The following CYP4F11 variants were observed in gnomAD, a reference collection of about 807,000 sequenced individuals.
The protein encoded by CYP4F11 is cytochrome P450 family 4 subfamily F member 11, also known as cytochrome P450 4F11.
Under a neutral mutation model 62.2 loss-of-function variants are expected in CYP4F11, and 79 were observed. That is an observed-to-expected ratio of 1.27 (90% confidence interval 1.06 to 1.53). The LOEUF (loss-of-function observed/expected upper bound fraction) is 1.53. CYP4F11 is among the 40% of genes most tolerant of loss of function. CYP4F11 has a pLI of 0.00. For synonymous variants in CYP4F11, 290 were observed against 263.7 expected (o/e 1.10, Z -0.97); for missense variants, 777 against 680.5 (o/e 1.14, Z -1.58).
chr19:15,914,469 CTTGGAGAGACATT>C (rs2145035352), intron 10 of CYP4F11, 82 bp from the exon 11 acceptor site: 1 of 1,557,684 alleles, frequency 6.4e-7, no homozygotes, highest in East Asian at 2.2e-5. Flanking sequence ...GACCCCCGGC[CTTGGAGAGACATT>C]TTGGCAGATG....
Position 15,912,805 on chromosome 19 carries a change from T to TATATATACACAC in CYP4F11, c.*926_*927insGTGTGTATATAT, listed in dbSNP as rs1183276800. On this transcript the variant is annotated 3_prime_UTR_variant, in exon 12 of 12. Coordinates refer to ENST00000402119, the MANE Select transcript of CYP4F11 (RefSeq NM_021187.4). The stretch of plus-strand genomic sequence containing the variant: ...TATATATATAATATATATATATATA[T>TATATATACACAC]ACATATCTTATATGCACAGCCCTCT... 9.9e-6 allele frequency: 1 copy of TATATATACACAC among 101,252 alleles called. No individual in the cohort carries two copies. Among genetic ancestry groups the TATATATACACAC allele is most frequent in the African/African-American group, 4.3e-5 (1 of 23,392 alleles). 6.3% of individuals were successfully genotyped at this position (101,252 alleles called of 1,614,324 possible).
At position 15,927,355 on chromosome 19, in the gene CYP4F11, A is replaced by T; in HGVS notation, c.398-16T>A. 1 of 1,614,058 alleles carries T rather than the reference A, an allele frequency of 6.2e-7. No homozygotes were observed. Among genetic ancestry groups the T allele is most frequent in the Non-Finnish European group, 8.5e-7 (1 of 1,179,938 alleles). On this transcript the variant is annotated splice_polypyrimidine_tract_variant and intron_variant, in intron 3 of 11. Coordinates refer to ENST00000402119, the MANE Select transcript of CYP4F11 (RefSeq NM_021187.4). ...AGCCCATCCCCTGGCAGGGCAACCAAGGACAGTGGTCAAGGGCAGCACCCT... is the reference window on the plus strand; with the variant it reads ...AGCCCATCCCCTGGCAGGGCAACCATGGACAGTGGTCAAGGGCAGCACCCT...
rs1383867962 is a variant in CYP4F11, at chr19:15,914,588, G to A, written c.1314+14C>T. On this transcript the variant is annotated intron_variant, in intron 10 of 11. Coordinates refer to ENST00000402119, the MANE Select transcript of CYP4F11 (RefSeq NM_021187.4). ...GAATGGACTCCAAAAAGGGTGGGGT[G>A]AGGGAGGCACTACCTCAGGGTCTGG... is the stretch of plus-strand genomic sequence containing the variant. The A allele has an allele frequency of 1.2e-6, 2 of 1,614,082 alleles. No homozygotes were observed. The highest frequency in any genetic ancestry group is 2.2e-5 in the East Asian group (1 of 44,884).
intron 5 of CYP4F11, 81 bp downstream of exon 5, chr19:15,924,680 G>T: frequency 1.3e-6 from 2 of 1,549,818 alleles, no homozygotes; most frequent in Non-Finnish European, 1.8e-6. Flanking sequence ...GGCACTTCTG[G>T]TTACCCCGGT....
At chr19:15,934,830 A>C, upstream of CYP4F11, 3 of 176,210 alleles carry the variant, frequency 1.7e-5, no homozygotes, top group South Asian at 1.3e-4. Flanking sequence ...TGTCCCACAT[A>C]CCCTCCTCTC....
Position 15,929,478 on chromosome 19 carries a change from G to A in CYP4F11, c.322C>T (p.Arg108Trp), listed in dbSNP as rs138578304. The change falls in exon 2 of 12, where the codon CGG becomes TGG. Residue 108 changes from arginine (R) to tryptophan (W), a missense_variant. Coordinates refer to ENST00000402119, the MANE Select transcript of CYP4F11 (RefSeq NM_021187.4). ...GTACCTGAGGCACTGGTGATAGGCCGGATAATGTCAGGGTGGCATAAAATG... is the reference window on the plus strand; with the variant it reads ...GTACCTGAGGCACTGGTGATAGGCCAGATAATGTCAGGGTGGCATAAAATG... ...LLILCHPDIIRPITSASAAVA... is the reference protein window; with the variant it reads ...LLILCHPDIIWPITSASAAVA... 221 of 1,614,116 alleles carry A rather than the reference G, an allele frequency of 1.4e-4. 1 individual carries two copies. The highest frequency in any genetic ancestry group is 5.0e-4 in the Middle Eastern group (3 of 6,052).
chr19:15,929,373 G>C (rs560592312), intron 2 of CYP4F11, 84 bp downstream of exon 2: 1 of 1,573,476 alleles, frequency 6.4e-7, no homozygotes, highest in East Asian at 2.2e-5. Context: ...CCCTGCAGGG[G>C]CCACACAGAA....
rs59091525 is a variant in CYP4F11 at position 15,912,680 on chromosome 19, A to AAAATAT, written c.*1051_*1052insATATTT. 26 of 66,162 alleles carry AAAATAT rather than the reference A, an allele frequency of 3.9e-4. No individual in the cohort carries two copies. The highest frequency in any genetic ancestry group is 5.8e-4 in the Non-Finnish European group (21 of 36,162). The allele number at this position is 66,162 out of a possible 1,614,324, so 4.1% of individuals were successfully genotyped here. A position where few individuals can be genotyped will look rare whatever the true frequency, so the allele number is the denominator to read the frequency against. On this transcript the variant is annotated 3_prime_UTR_variant, in exon 12 of 12. Transcript: ENST00000402119. ...TCACCATCCTCAGGAAAAAAAAAAAAATATATATATATATATATGTGTGTG... is the reference window on the plus strand; with the variant it reads ...TCACCATCCTCAGGAAAAAAAAAAAAAAATATATATATATATATATATATGTGTGTG...
Position 15,912,805 on chromosome 19 carries a change from T to TATATATATATATAC in CYP4F11, c.*926_*927insGTATATATATATAT, listed in dbSNP as rs1183276800. 2.0e-5 allele frequency: 2 copies of TATATATATATATAC among 101,240 alleles called. No homozygotes were observed. The highest frequency in any genetic ancestry group is 4.3e-5 in the African/African-American group (1 of 23,412). 6.3% of individuals were successfully genotyped at this position (101,240 alleles called of 1,614,324 possible). On this transcript the variant is annotated 3_prime_UTR_variant, in exon 12 of 12. Coordinates refer to ENST00000402119, the MANE Select transcript of CYP4F11 (RefSeq NM_021187.4). ...TATATATATAATATATATATATATATACATATCTTATATGCACAGCCCTCT... is the reference window on the plus strand; with the variant it reads ...TATATATATAATATATATATATATATATATATATATATACACATATCTTATATGCACAGCCCTCT...
intron 4 of CYP4F11, among the ~76,000 whole-genome samples, chr19:15,925,729 T>TACACACACACACACACAC (rs61395286): frequency 1.5e-4 from 22 of 142,930 alleles, no homozygotes; most frequent in Middle Eastern, 3.6e-3. Context: ...TACATATATG[T>TACACACACACACACACAC]ACACACACAC....
chr19:15,913,974 G>A, intron 11 of CYP4F11, 65 bp from the exon 12 acceptor site: 2 of 1,545,670 alleles, frequency 1.3e-6, no homozygotes, highest in East Asian at 2.3e-5. Flanking sequence ...ATCATGCTTA[G>A]AACCTGGCCT....
intron 1 of CYP4F11, among the ~76,000 whole-genome samples, chr19:15,930,617 C>G (rs1408408861): frequency 2.6e-5 from 4 of 152,128 alleles, no homozygotes; most frequent in East Asian, 3.9e-4. Flanking sequence ...AATAAAAGAT[C>G]CAAGAGTAAA....
chr19:15,934,056 GT>G, intron 1 of CYP4F11, among the ~76,000 whole-genome samples, 154 bp downstream of exon 1: 1 of 142,258 alleles, frequency 7.0e-6, no homozygotes, highest in Non-Finnish European at 1.6e-5. Context: ...AGAGGAATGA[GT>G]GAGTGGGCAG....
In CYP4F11 at chr19:15,924,882, C is replaced by A; in HGVS notation, c.526G>T (p.Asp176Tyr). 6.2e-7 allele frequency: 1 copy of A among 1,608,776 alleles called. No homozygotes were observed. Among genetic ancestry groups the A allele is most frequent in the Non-Finnish European group, 8.5e-7 (1 of 1,177,238 alleles). Residue 176 changes from aspartate (D) to tyrosine (Y), a missense_variant and splice_region_variant, in exon 5 of 12, where the codon GAC (aspartate) becomes TAC (tyrosine). Asp to Tyr is a radical substitution (Grantham distance 160). Coordinates refer to ENST00000402119, the MANE Select transcript of CYP4F11 (RefSeq NM_021187.4). The stretch of plus-strand genomic sequence containing the variant: ...TCTGAGGCCAGGCGCTGCCACTTGT[C>A]CTGGCCAGAGAAAAAACAGAGCCAA... ...IFNKSVNIMH[D>Y]KWQRLASEGS...
At chr19:15,920,576 G>T (rs954395340) in intron 8 of CYP4F11, among the ~76,000 whole-genome samples, 5 of 152,150 alleles carry the variant, frequency 3.3e-5, no homozygotes, top group African/African-American at 1.2e-4. Context: ...CAAAGGCTTG[G>T]ATGTAAGGGC....
chr19:15,921,052 C>A (rs1396839314), intron 8 of CYP4F11, among the ~76,000 whole-genome samples: 2 of 117,064 alleles, frequency 1.7e-5, no homozygotes, highest in African/African-American at 3.9e-5. Context: ...CTCTCTCTTT[C>A]TGTCTCTCTC....
chr19:15,926,849 C>CTCTTCTGGTTATTAA (rs774598340), intron 4 of CYP4F11, among the ~76,000 whole-genome samples: 82,467 of 151,946 alleles, frequency 0.54, 22,947 homozygotes, highest in Non-Finnish European at 0.6. Flanking sequence ...GAAGAACCAG[C>CTCTTCTGGTTATTAA]CAACTGTCTC....
At position 15,922,339 on chromosome 19, in the gene CYP4F11, C is replaced by A. The variant is rs71334792; in HGVS notation, c.985+25G>T. On this transcript the variant is annotated intron_variant, in intron 7 of 11. Transcript: ENST00000402119. ...GGGATGGAGAGGCCCCTGTCCCCAC[C>A]GTAGTCCCACACTGAGACCCTCACC... 4 of 1,613,868 alleles carry A rather than the reference C, an allele frequency of 2.5e-6. No individual in the cohort carries two copies. The Admixed American group carries it at 6.7e-5, about 27-fold the overall frequency.
At chr19:15,926,857 C>T (rs1445037141) in intron 4 of CYP4F11, among the ~76,000 whole-genome samples, 2 of 46,112 alleles carry the variant, frequency 4.3e-5, no homozygotes, top group African/African-American at 1.2e-4. Context: ...AGCCAACTGT[C>T]TCACACACTT....
Sources: allele counts gnomAD v4.1 joint callset (sites outside exome capture counted in the v4.1 genomes callset), GRCh38; gene constraint gnomAD v4.1.1; transcripts MANE v1.5; gene names NCBI Gene and HGNC (gene_info 2026-07-23, HGNC 2026-07-21).